KLRG1: variants seen among roughly 807,000 people sequenced by gnomAD.
The protein encoded by KLRG1 is killer cell lectin like receptor G1.
In KLRG1, 16 loss-of-function variants were observed where a neutral mutation model predicts 21.8. The ratio of observed to expected loss-of-function variants is 0.73; its 90% confidence interval spans 0.50 to 1.11. The LOEUF (loss-of-function observed/expected upper bound fraction) is 1.11. KLRG1 is among the 50% of genes most tolerant of loss of function. The pLI, the probability that KLRG1 is intolerant of heterozygous loss-of-function variation, is 0.00. For missense variants in KLRG1, 173 were observed against 218.3 expected (o/e 0.79, Z 1.31); for synonymous variants, 69 against 75.9 (o/e 0.91, Z 0.47).
At chr12:9,031,726 T>G in the KLRG1 span, among the ~76,000 whole-genome samples, 1 of 152,266 alleles carries the variant, frequency 6.6e-6, no homozygotes, top group East Asian at 1.9e-4. Context: ...GACACATCAA[T>G]CAAACACACT....
the KLRG1 span, among the ~76,000 whole-genome samples, chr12:9,031,603 T>A: frequency 6.6e-6 from 1 of 152,206 alleles, no homozygotes; most frequent in Admixed American, 6.5e-5. Context: ...GAAGATTTAT[T>A]CTGAGCTAAA....
chr12:9,212,072 A>G, the KLRG1 span, among the ~76,000 whole-genome samples: 1 of 152,200 alleles, frequency 6.6e-6, no homozygotes, highest in African/African-American at 2.4e-5. Context: ...CTACTGGGTC[A>G]CTGGGTAGGT....
intron 3 of KLRG1, among the ~76,000 whole-genome samples, chr12:9,007,560 T>G (rs1014487056): frequency 6.6e-6 from 1 of 152,200 alleles, no homozygotes; most frequent in African/African-American, 2.4e-5. Flanking sequence ...TGTGAGCCAC[T>G]GTGCCTGGCC....
At chr12:9,049,281 T>A in the KLRG1 span, among the ~76,000 whole-genome samples, 1 of 151,898 alleles carries the variant, frequency 6.6e-6, no homozygotes. Flanking sequence ...GGCCACAGAG[T>A]GGTGGATCTA....
the KLRG1 span, chr12:9,027,692 G>T: frequency 4.6e-6 from 5 of 1,091,980 alleles, no homozygotes; most frequent in Admixed American, 1.7e-5. Flanking sequence ...ACTGATTGTT[G>T]TAATTGCCAA....
the KLRG1 span, among the ~76,000 whole-genome samples, chr12:9,158,747 CTTTTCTTTTCTTT>C: frequency 9.1e-6 from 1 of 110,356 alleles, no homozygotes; most frequent in Non-Finnish European, 1.8e-5. Context: ...TTTCTTTTTT[CTTTTCTTTTCTTT>C]TTTTTTTTTT....
chr12:9,067,597 T>G, the KLRG1 span: 3 of 606,026 alleles, frequency 5.0e-6, no homozygotes, highest in Non-Finnish European at 9.1e-6. Context: ...CATTTTTTTG[T>G]ATTCTGAAGT....
chr12:9,103,835 C>G, the KLRG1 span, among the ~76,000 whole-genome samples: 3 of 152,144 alleles, frequency 2.0e-5, no homozygotes, highest in Admixed American at 1.3e-4. Flanking sequence ...TGGGTAGCCT[C>G]GATCTCTCAG....
At chr12:9,072,560 C>G in the KLRG1 span, 7 of 1,598,814 alleles carry the variant, frequency 4.4e-6, no homozygotes, top group South Asian at 6.8e-5. Flanking sequence ...AACCCTTTCT[C>G]TGATCTGTCC....
In KLRG1 at chr12:8,965,542, A is replaced by G. The variant is rs766740650; in HGVS notation, c.-156+15306A>G. Among the ~76,000 whole-genome samples, 728 of 152,144 alleles carry G rather than the reference A, an allele frequency of 4.8e-3. 4 individuals are homozygous for G. The highest frequency in any genetic ancestry group is 0.017 in the African/African-American group (697 of 41,546). The stretch of plus-strand genomic sequence containing the variant: ...ATCACAAGCATTCTTATACACCAAT[A>G]ACAGACAAACAGAGAGCCAAATCAT... On this transcript the variant is annotated intron_variant, in intron 1 of 4. Coordinates refer to the KLRG1 transcript ENST00000539240.
At chr12:9,196,817 A>T in the KLRG1 span, 1 of 805,894 alleles carries the variant, frequency 1.2e-6, no homozygotes, top group African/African-American at 1.7e-5. Flanking sequence ...TCGAGAACTT[A>T]ATACTCATAT....
intron 2 of KLRG1, among the ~76,000 whole-genome samples, chr12:8,994,748 G>A: frequency 6.6e-6 from 1 of 152,208 alleles, no homozygotes; most frequent in Non-Finnish European, 1.5e-5. Context: ...GTACACAGAT[G>A]CATATCATAT....
the KLRG1 span, among the ~76,000 whole-genome samples, chr12:9,019,141 A>G: frequency 1.3e-5 from 2 of 152,240 alleles, no homozygotes; most frequent in African/African-American, 4.8e-5. Context: ...TCAAAAGAAG[A>G]CATTGAAATG....
At chr12:8,958,101 G>A (rs188326649) in intron 1 of KLRG1, among the ~76,000 whole-genome samples, 1 of 152,134 alleles carries the variant, frequency 6.6e-6, no homozygotes, top group Admixed American at 6.5e-5. Flanking sequence ...TCTTGCTATA[G>A]TACCCAGGCT....
chr12:9,179,826 AC>A, the KLRG1 span, among the ~76,000 whole-genome samples: 2 of 152,242 alleles, frequency 1.3e-5, no homozygotes, highest in Non-Finnish European at 2.9e-5. Context: ...TCACTGTAAG[AC>A]ATTAATAACT....
chr12:9,100,944 TAC>T, the KLRG1 span, among the ~76,000 whole-genome samples: 1 of 152,132 alleles, frequency 6.6e-6, no homozygotes, highest in East Asian at 1.9e-4. Context: ...GCAAATTGGG[TAC>T]AATGTATACT....
At chr12:8,993,278 G>T (rs1464307060) in intron 2 of KLRG1, among the ~76,000 whole-genome samples, 2 of 151,776 alleles carry the variant, frequency 1.3e-5, no homozygotes, top group Non-Finnish European at 2.9e-5. Context: ...ATTTATTAGG[G>T]TTCTTTTTTA....
At chr12:9,204,030 A>G in the KLRG1 span, 1 of 1,318,530 alleles carries the variant, frequency 7.6e-7, no homozygotes, top group Non-Finnish European at 1.1e-6. Context: ...TTTCATAACA[A>G]TATGTATTAA....
chr12:9,106,306 C>T, the KLRG1 span: 1 of 1,613,192 alleles, frequency 6.2e-7, no homozygotes, highest in Non-Finnish European at 8.5e-7. Context: ...GGTTATGGTT[C>T]TTGTGATTTC....
Sources: gnomAD v4.1 joint callset for allele counts (sites outside exome capture counted in the v4.1 genomes callset) on GRCh38, gnomAD v4.1.1 for gene constraint, MANE v1.5 for transcripts, NCBI Gene and HGNC (gene_info 2026-07-23, HGNC 2026-07-21) for gene names.